The following TBX6 variants were observed in gnomAD, a reference collection of about 807,000 sequenced individuals.
TBX6 encodes T-box transcription factor 6, also known as T-box transcription factor TBX6.
Under a neutral mutation model 42.3 loss-of-function variants are expected in TBX6, and 29 were observed. The ratio of observed to expected loss-of-function variants is 0.69; its 90% confidence interval spans 0.51 to 0.93. TBX6 has a LOEUF of 0.93. TBX6 is among the 40% of genes least tolerant of loss of function. The pLI, the probability that TBX6 is intolerant of heterozygous loss-of-function variation, is 0.00. For missense variants in TBX6, 569 were observed against 603.3 expected, an observed-to-expected ratio of 0.94 and a Z score of 0.59; for synonymous variants, 249 against 245.1, an observed-to-expected ratio of 1.02 and a Z score of -0.15.
At chr16:30,087,889 CTTTTTTTTCTTTTTT>C (rs2072660602) in intron 6 of TBX6, 1 of 94,960 alleles carries the variant, frequency 1.1e-5, no homozygotes, top group Non-Finnish European at 2.4e-5. Context: ...TCTCCTTTTT[CTTTTTTTTCTTTTTT>C]TTTTTTTTTT....
chr16:30,086,387 C>G lies in TBX6; in HGVS notation c.1149G>C (p.Ser383=), dbSNP rs201140031. ...APDSGRSAPY[S]AAFLELPHGS... ...CGTGCGGCAGCTCCAGAAATGCAGC[C>G]GAGTAGGGGGCTGAGCGCCCGGAGT... Residue 383 remains serine (S), a synonymous_variant, in exon 9 of 9, where the codon TCG becomes TCC. Coordinates refer to ENST00000395224, the MANE Select transcript of TBX6 (RefSeq NM_004608.4). The surrounding 1 kb of genome is among the most constrained non-coding windows in gnomAD (Gnocchi z 4.6). 6 of 1,568,688 alleles carry G rather than the reference C, an allele frequency of 3.8e-6. No homozygotes were observed. Among genetic ancestry groups the G allele is most frequent in the Non-Finnish European group, 4.3e-6 (5 of 1,165,378 alleles).
At chr16:30,090,301 C>A (rs939056897) in intron 3 of TBX6, among the ~76,000 whole-genome samples, 1 of 152,192 alleles carries the variant, frequency 6.6e-6, no homozygotes, top group Non-Finnish European at 1.5e-5. Context: ...AGGTCAAACA[C>A]TGACCGTGTC....
At position 30,086,753 on chromosome 16, in the gene TBX6, C is replaced by G; in HGVS notation, c.913+25G>C. 2 of 1,613,658 alleles carry G rather than the reference C, an allele frequency of 1.2e-6. No individual in the cohort carries two copies. Among genetic ancestry groups the G allele is most frequent in the Non-Finnish European group, 1.7e-6 (2 of 1,179,834 alleles). On this transcript the variant is annotated intron_variant, in intron 7 of 8. Coordinates refer to ENST00000395224, the MANE Select transcript of TBX6 (RefSeq NM_004608.4). This position sits in a 1 kb window ranked among gnomAD's most constrained non-coding sequence, Gnocchi z 4.6. ...GAGGATCCCTGTCTCAGGCCTGGCC[C>G]CATCGCCATCGGGACTACACTCACC... is the stretch of plus-strand genomic sequence containing the variant.
In TBX6 at chr16:30,090,794, G is replaced by A. The variant is rs1371992235; in HGVS notation, c.317C>T (p.Ser106Phe). ...GGTGATGATCATTTCTGTTCCCACA[G>A]AGCTGAACTCCTTCCATAGCTCCCG... ...ENRELWKEFS[S>F]VGTEMIITKA... The change falls in exon 3 of 9, where the codon TCT (serine) becomes TTT (phenylalanine). Residue 106 changes from serine to phenylalanine, a missense_variant. By Grantham distance (155) the Ser-to-Phe change is radical. Transcript: ENST00000395224. 1 of 1,606,256 alleles carries A rather than the reference G, an allele frequency of 6.2e-7. No homozygotes were observed.
intron 6 of TBX6, among the ~76,000 whole-genome samples, chr16:30,087,317 A>G (rs890639922): frequency 2.0e-5 from 3 of 152,038 alleles, no homozygotes; most frequent in Non-Finnish European, 4.4e-5. Flanking sequence ...TGCAGCCTCC[A>G]ACTCCTGGGC....
intron 1 of TBX6, 113 bp downstream of exon 1, chr16:30,091,760 C>T (rs1471051394): frequency 6.5e-6 from 1 of 154,092 alleles, no homozygotes; most frequent in Non-Finnish European, 1.4e-5. Flanking sequence ...TCACAGGGCA[C>T]TCGGGGCCGC....
rs2072619408 is a variant in TBX6 at position 30,085,986 on chromosome 16, A to ACGGAGGTGAGAGCCGGGAAGGGGAAGC, written c.*212_*238dup. On this transcript the variant is annotated 3_prime_UTR_variant, in exon 9 of 9. Coordinates refer to ENST00000395224, the MANE Select transcript of TBX6 (RefSeq NM_004608.4). ...GCCAGGCAGAGCCCCTTCCATTCAC[A>ACGGAGGTGAGAGCCGGGAAGGGGAAGC]CGGAGGTGAGAGCCGGGAAGGGGAA... is the stretch of plus-strand genomic sequence containing the variant. 3.9e-6 allele frequency: 2 copies of ACGGAGGTGAGAGCCGGGAAGGGGAAGC among 516,792 alleles called. No individual in the cohort carries two copies. Among genetic ancestry groups the ACGGAGGTGAGAGCCGGGAAGGGGAAGC allele is most frequent in the Non-Finnish European group, 6.8e-6 (2 of 293,896 alleles). The allele number at this position is 516,792 out of a possible 1,614,324, so 32.0% of individuals were successfully genotyped here.
chr16:30,089,348 G>A, intron 3 of TBX6, 138 bp from the exon 4 acceptor site: 1 of 1,180,324 alleles, frequency 8.5e-7, no homozygotes, highest in African/African-American at 1.5e-5. Context: ...AGAACCCAGA[G>A]GGCAGGCTGG....
Position 30,090,953 on chromosome 16 carries a change from A to G in TBX6, c.158T>C (p.Met53Thr). The G allele has an allele frequency of 6.2e-7, 1 of 1,613,460 alleles. No individual in the cohort carries two copies. Among genetic ancestry groups the G allele is most frequent in the South Asian group, 1.1e-5 (1 of 91,086 alleles). ...TPKLDCFLSG[M>T]EAAPRTLAAH... is the part of the protein sequence containing the mutation. ...GGCCAGGGTGCGGGGAGCAGCCTCCATCCCGGAGAGGAAGCAATCCAGTTT... is the reference window on the plus strand; with the variant it reads ...GGCCAGGGTGCGGGGAGCAGCCTCCGTCCCGGAGAGGAAGCAATCCAGTTT... Residue 53 changes from methionine to threonine, a missense_variant, in exon 3 of 9, where the codon ATG (methionine) becomes ACG (threonine). Physicochemically the swap from Met to Thr is moderately conservative, Grantham distance 81. Around this residue, in one of 3 missense-constraint regions of TBX6, gnomAD observed 134 missense variants for 125.3 expected, o/e 1.07. Transcript: ENST00000395224.
rs769391753 is a variant in TBX6 at position 30,089,143 on chromosome 16, G to C, written c.421C>G (p.Leu141Val). 2.5e-6 allele frequency: 4 copies of C among 1,614,110 alleles called. No homozygotes were observed. The highest frequency in any genetic ancestry group is 3.4e-6 in the Non-Finnish European group (4 of 1,180,026). Residue 141 changes from leucine (L) to valine (V), a missense_variant, in exon 4 of 9, where the codon CTG (leucine) becomes GTG (valine). By Grantham distance (32) the Leu-to-Val change is conservative (BLOSUM62 1). Around this residue, in one of 3 missense-constraint regions of TBX6, gnomAD observed 190 missense variants for 250.6 expected, o/e 0.76. Transcript: ENST00000395224. ...GCCCCATCCACCGGAATCACATCCA[G>C]AAGAAACAAGTAGCGGGCCTCGGGG... ...LDPEARYLFL[L>V]DVIPVDGARY...
At chr16:30,091,037 C>A (rs751148506) in intron 2 of TBX6, 39 bp downstream of exon 2, 2 of 1,593,472 alleles carry the variant, frequency 1.3e-6, no homozygotes, top group African/African-American at 1.3e-5. Flanking sequence ...GGCCACAGCC[C>A]CCCTATTCTC....
At position 30,086,011 on chromosome 16, in the gene TBX6, A is replaced by C; in HGVS notation, c.*214T>G. The C allele has an allele frequency of 1.5e-5, 8 of 528,596 alleles. No homozygotes were observed. The highest frequency in any genetic ancestry group is 1.1e-4 in the East Asian group (3 of 27,498). The allele number at this position is 528,596 out of a possible 1,614,324, so 32.7% of individuals were successfully genotyped here. On this transcript the variant is annotated 3_prime_UTR_variant, in exon 9 of 9. Coordinates refer to ENST00000395224, the MANE Select transcript of TBX6 (RefSeq NM_004608.4). This position sits in a 1 kb window ranked among gnomAD's most constrained non-coding sequence, Gnocchi z 4.6. ...ACGGAGGTGAGAGCCGGGAAGGGGAAGCCGGCCCCAGCTGGACTCCCAGCA... is the reference window on the plus strand; with the variant it reads ...ACGGAGGTGAGAGCCGGGAAGGGGACGCCGGCCCCAGCTGGACTCCCAGCA...
At position 30,086,231 on chromosome 16, in the gene TBX6, C is replaced by G. The variant is rs774639423; in HGVS notation, c.1305G>C (p.Met435Ile). 6.2e-7 allele frequency: 1 copy of G among 1,611,552 alleles called. No homozygotes were observed. The highest frequency in any genetic ancestry group is 8.5e-7 in the Non-Finnish European group (1 of 1,179,596). ...GGYLDVGSKP[M>I]Y ...AGAGGGGCCCAGCAGTGGTTCAGTA[C>G]ATGGGTTTGGAGCCCACATCCAGAT... The change falls in exon 9 of 9, where the codon ATG becomes ATC. Residue 435 changes from methionine (M) to isoleucine (I), a missense_variant. Coordinates refer to ENST00000395224, the MANE Select transcript of TBX6 (RefSeq NM_004608.4). This position sits in a 1 kb window ranked among gnomAD's most constrained non-coding sequence, Gnocchi z 4.6.
Position 30,088,816 on chromosome 16 carries a change from C to T in TBX6, c.645G>A (p.Lys215=), listed in dbSNP as rs1167277339. 3 of 1,613,986 alleles carry T rather than the reference C, an allele frequency of 1.9e-6. No individual in the cohort carries two copies. The highest frequency in any genetic ancestry group is 2.5e-6 in the Non-Finnish European group (3 of 1,179,992). ...HGHLILHSMH[K]YQPRIHLVRA... ...GAACTAGGTGTATGCGGGGTTGGTACTTGTGCATGGAGTGCAGGATCAGCT... is the reference window on the plus strand; with the variant it reads ...GAACTAGGTGTATGCGGGGTTGGTATTTGTGCATGGAGTGCAGGATCAGCT... The change falls in exon 5 of 9, where the codon AAG becomes AAA. Residue 215 remains lysine (K), a synonymous_variant. Coordinates refer to ENST00000395224, the MANE Select transcript of TBX6 (RefSeq NM_004608.4). The surrounding 1 kb of genome is among the most constrained non-coding windows in gnomAD (Gnocchi z 4.1).
In TBX6 at chr16:30,088,738, G is replaced by A. The variant is rs2072676847; in HGVS notation, c.723C>T (p.Phe241=). The A allele has an allele frequency of 1.9e-6, 3 of 1,614,106 alleles. No individual in the cohort carries two copies. ...QHWGGMASFR[F]PETTFISVTA... Reference sequence around the variant, plus strand: ...TCACGGAGATGAATGTGGTCTCGGGGAAGCGGAAGGAGGCCATGCCCCCCC... The same window carrying A: ...TCACGGAGATGAATGTGGTCTCGGGAAAGCGGAAGGAGGCCATGCCCCCCC... Residue 241 remains phenylalanine (F), a synonymous_variant, in exon 5 of 9, where the codon TTC becomes TTT. Coordinates refer to ENST00000395224, the MANE Select transcript of TBX6 (RefSeq NM_004608.4). The surrounding 1 kb of genome is among the most constrained non-coding windows in gnomAD (Gnocchi z 4.1).
rs2072708762 is a variant in TBX6 at position 30,090,762 on chromosome 16, C to T, written c.349G>A (p.Gly117Arg). The T allele has an allele frequency of 6.2e-7, 1 of 1,610,206 alleles. No homozygotes were observed. Among genetic ancestry groups the T allele is most frequent in the African/African-American group, 1.3e-5 (1 of 74,734 alleles). Residue 117 changes from glycine to arginine, a missense_variant, in exon 3 of 9, where the codon GGG (glycine) becomes AGG (arginine). By Grantham distance (125) the Gly-to-Arg change is moderately radical (BLOSUM62 -2). Around this residue, in one of 3 missense-constraint regions of TBX6, gnomAD observed 190 missense variants for 250.6 expected, o/e 0.76. Transcript: ENST00000395224. ...GGACCCTGGCCAGCCCCTCACCTCC[C>T]AGCTTTGGTGATGATCATTTCTGTT... is the stretch of plus-strand genomic sequence containing the variant. ...VGTEMIITKA[G>R]RRMFPACRVS...
rs199907024 is a variant in TBX6, at chr16:30,090,841, C to G, written c.270G>C (p.Gly90=). The G allele has an allele frequency of 1.4e-5, 22 of 1,604,480 alleles. No homozygotes were observed. The highest frequency in any genetic ancestry group is 6.8e-5 in the Admixed American group (4 of 58,940). The change falls in exon 3 of 9, where the codon GGG becomes GGC. Residue 90 remains glycine, a synonymous_variant. Coordinates refer to ENST00000395224, the MANE Select transcript of TBX6 (RefSeq NM_004608.4). ...CCCGGTTCTCCAGGCTCAGGCTGAC[C>G]CCCGGGAGGGAATGGAGGGCCTCTG... is the stretch of plus-strand genomic sequence containing the variant. ...SAPEALHSLP[G]VSLSLENREL...
chr16:30,091,031 A>C (rs1180839600), intron 2 of TBX6, 39 bp from the exon 3 acceptor site: 2 of 1,597,466 alleles, frequency 1.3e-6, no homozygotes, highest in Admixed American at 3.5e-5. Context: ...GCCGAGGGCC[A>C]CAGCCCCCCT....
chr16:30,087,824 C>T (rs918221438), intron 6 of TBX6: 4 of 152,052 alleles, frequency 2.6e-5, no homozygotes, highest in African/African-American at 9.7e-5. Flanking sequence ...CTTTCCAGGC[C>T]TCTTATCTAA....
Sources: gnomAD v4.1 joint callset for allele counts (sites outside exome capture counted in the v4.1 genomes callset) on GRCh38, gnomAD v4.1.1 for gene constraint, gnomAD v4.1.1 regional missense constraint, Gnocchi (gnomAD v3.1) non-coding constraint, MANE v1.5 for transcripts, NCBI Gene and HGNC (gene_info 2026-07-23, HGNC 2026-07-21) for gene names.